Variants in FLOT2 observed in about 807,000 individuals in gnomAD.
FLOT2 encodes the protein flotillin-2.
A neutral mutation model predicts 54.9 loss-of-function variants in FLOT2; 35 were observed. That is an observed-to-expected ratio of 0.64 (90% confidence interval 0.49 to 0.84). FLOT2 has a LOEUF of 0.84. FLOT2 is among the 40% of genes least tolerant of loss of function. FLOT2 has a pLI of 0.00. For synonymous variants in FLOT2, 207 were observed against 228.9 expected, an observed-to-expected ratio of 0.90 and a Z score of 0.86; for missense variants, 464 against 572.1, an observed-to-expected ratio of 0.81 and a Z score of 1.93.
chr17:28,882,645 G>A lies in FLOT2; in HGVS notation c.393C>T (p.Ala131=), dbSNP rs957686908. Residue 131 remains alanine, a synonymous_variant, in exon 5 of 11, where the codon GCC becomes GCT. Coordinates refer to ENST00000394908, the MANE Select transcript of FLOT2 (RefSeq NM_004475.3). This position sits in a 1 kb window ranked among gnomAD's most constrained non-coding sequence, Gnocchi z 5.6. Reference sequence around the variant, plus strand: ...GGGCTGCCACCTCCCGCACCAGCTTGGCAAACTGGTCCCGGTCCTGATAAA... The same window carrying A: ...GGGCTGCCACCTCCCGCACCAGCTTAGCAAACTGGTCCCGGTCCTGATAAA... ...EQIYQDRDQF[A]KLVREVAAPD... is the part of the protein sequence containing the mutation. The A allele has an allele frequency of 1.2e-6, 2 of 1,613,752 alleles. No individual in the cohort carries two copies. The highest frequency in any genetic ancestry group is 2.7e-5 in the African/African-American group (2 of 75,026).
chr17:28,880,528 G>A lies in FLOT2; in HGVS notation c.*33C>T, dbSNP rs748683627. The A allele has an allele frequency of 4.4e-6, 7 of 1,608,568 alleles. No homozygotes were observed. The Admixed American group carries it at 1.2e-4, about 27-fold the overall frequency. ...AAACGGGTGCTGGAGGGAGGGCCGG[G>A]TGGCTGCTGAAGAGAGTGGGCCTGC... On this transcript the variant is annotated 3_prime_UTR_variant, in exon 11 of 11. Transcript: ENST00000394908.
intron 1 of FLOT2, among the ~76,000 whole-genome samples, chr17:28,892,267 T>C (rs1365239764): frequency 7.8e-6 from 1 of 127,994 alleles, no homozygotes; most frequent in East Asian, 2.2e-4. Flanking sequence ...GCTAGCCCCA[T>C]GGGACTTCTC....
chr17:28,896,824 G>A (rs2039749281), intron 1 of FLOT2, among the ~76,000 whole-genome samples: 1 of 152,156 alleles, frequency 6.6e-6, no homozygotes. Flanking sequence ...CTTGCAAGGT[G>A]TCAGCCGCTT....
intron 1 of FLOT2, among the ~76,000 whole-genome samples, chr17:28,896,455 C>T (rs528708116): frequency 6.6e-6 from 1 of 152,178 alleles, no homozygotes. Flanking sequence ...GTCCTCAAGG[C>T]TATTTCTGGT....
rs539387316 is a variant in FLOT2, at chr17:28,880,175, G to C, written c.*386C>G. 9.0e-6 allele frequency: 10 copies of C among 1,106,792 alleles called. No individual in the cohort carries two copies. In the African/African-American group the frequency reaches 1.7e-4, roughly 18 times the overall value. The allele number at this position is 1,106,792 out of a possible 1,614,324, so 68.6% of individuals were successfully genotyped here. On this transcript the variant is annotated 3_prime_UTR_variant, in exon 11 of 11. Coordinates refer to ENST00000394908, the MANE Select transcript of FLOT2 (RefSeq NM_004475.3). ...GCCAGGGCCATAGGGAGGATGGACA[G>C]ATGCACAGAGAACTTCAAGGCACCA...
In FLOT2 at chr17:28,880,772, G is replaced by T. The variant is rs187973207; in HGVS notation, c.1189C>A (p.Arg397=). ...DNSKVTSEVN[R]LLAELPASVH... Reference sequence around the variant, plus strand: ...GAGGCAGGCAGCTCGGCCAGCAGTCGGTTCACTTCTGATGTGACCTTACTG... The same window carrying T: ...GAGGCAGGCAGCTCGGCCAGCAGTCTGTTCACTTCTGATGTGACCTTACTG... The change falls in exon 10 of 11, where the codon CGA becomes AGA. Residue 397 remains arginine, a synonymous_variant. Transcript: ENST00000394908. 3.7e-6 allele frequency: 6 copies of T among 1,614,202 alleles called. No homozygotes were observed. Among genetic ancestry groups the T allele is most frequent in the Admixed American group, 1.7e-5 (1 of 60,032 alleles).
At chr17:28,889,297 A>G (rs1465184376) in intron 1 of FLOT2, among the ~76,000 whole-genome samples, 1 of 152,148 alleles carries the variant, frequency 6.6e-6, no homozygotes, top group Non-Finnish European at 1.5e-5. Flanking sequence ...GAAAAGAAGA[A>G]CAGAACAGGA....
In FLOT2 at chr17:28,881,347, C is replaced by A. The variant is rs768920322; in HGVS notation, c.943G>T (p.Glu315Ter). The change falls in exon 9 of 11, where the codon GAG becomes TAG. Residue 315 changes from glutamate (E) to a stop codon, truncating the protein, a stop_gained. Coordinates refer to ENST00000394908, the MANE Select transcript of FLOT2 (RefSeq NM_004475.3). LOFTEE classifies it high-confidence loss of function. ...KVKQVLLAQA[E>*]AEKIRKIGEA... ...CCGATTTTGCGGATCTTCTCAGCCTCTGCCTGTGCCAAGAGGACCTGCTTC... is the reference window on the plus strand; with the variant it reads ...CCGATTTTGCGGATCTTCTCAGCCTATGCCTGTGCCAAGAGGACCTGCTTC... The A allele has an allele frequency of 6.2e-7, 1 of 1,613,148 alleles. No individual in the cohort carries two copies. Among genetic ancestry groups the A allele is most frequent in the East Asian group, 2.2e-5 (1 of 44,890 alleles).
At chr17:28,886,058 CGGGGGGGGG>C in intron 2 of FLOT2, 1 of 472,744 alleles carries the variant, frequency 2.1e-6, no homozygotes, top group South Asian at 2.3e-5. Flanking sequence ...CGCCTGGGGG[CGGGGGGGGG>C]CATGCTGTCA....
Position 28,881,247 on chromosome 17 carries a change from TA to T in FLOT2, c.1042del (p.Tyr348ThrfsTer14). The T allele has an allele frequency of 2.5e-6, 4 of 1,614,226 alleles. No homozygotes were observed. Among genetic ancestry groups the T allele is most frequent in the Non-Finnish European group, 2.5e-6 (3 of 1,180,032 alleles). On this transcript the variant is annotated frameshift_variant, in exon 9 of 11. Coordinates refer to ENST00000394908, the MANE Select transcript of FLOT2 (RefSeq NM_004475.3). LOFTEE classifies it high-confidence loss of function. Reference sequence around the variant, plus strand: ...CTTGGCTGCATCCCCGTATTTCTGGTAGGCTTCTGCCTTGAGCTTCATCCGC... The same window carrying T: ...CTTGGCTGCATCCCCGTATTTCTGGTGGCTTCTGCCTTGAGCTTCATCCGC... Reference protein sequence around the residue: ...AERMKLKAEAYQKYGDAAKMA... With the variant: ...AERMKLKAEAXQKYGDAAKMA...
Position 28,882,569 on chromosome 17 carries a change from G to A in FLOT2, c.465+4C>T, listed in dbSNP as rs1406525463. On this transcript the variant is annotated splice_donor_region_variant and intron_variant, in intron 5 of 10. Transcript: ENST00000394908. The surrounding 1 kb of genome is among the most constrained non-coding windows in gnomAD (Gnocchi z 5.6). ...AGGAGATACAGCTTCCCATCACGTC[G>A]TACCTTGATGGTGAAGCTGAGGATC... 7.5e-6 allele frequency: 12 copies of A among 1,596,966 alleles called. No homozygotes were observed. Among genetic ancestry groups the A allele is most frequent in the South Asian group, 6.6e-5 (6 of 90,798 alleles).
intron 2 of FLOT2, among the ~76,000 whole-genome samples, chr17:28,887,436 G>C (rs1466112179): frequency 2.0e-5 from 3 of 152,212 alleles, no homozygotes; most frequent in African/African-American, 7.2e-5. Context: ...CAGCAAGTGA[G>C]ACCAGAGGGA....
intron 1 of FLOT2, among the ~76,000 whole-genome samples, chr17:28,892,162 C>T (rs755199649): frequency 9.2e-5 from 14 of 152,022 alleles, no homozygotes; most frequent in Non-Finnish European, 1.9e-4. Flanking sequence ...GAAACCCAAA[C>T]CATCTCAGGA....
intron 1 of FLOT2, among the ~76,000 whole-genome samples, chr17:28,895,628 G>C (rs959014435): frequency 6.6e-6 from 1 of 152,102 alleles, no homozygotes; most frequent in African/African-American, 2.4e-5. Context: ...ATACTATCAT[G>C]AATTGTTGCC....
Position 28,882,815 on chromosome 17 carries a change from G to C in FLOT2, c.347-124C>G, listed in dbSNP as rs1183198311. The C allele has an allele frequency of 1.4e-6, 1 of 717,518 alleles. No homozygotes were observed. The highest frequency in any genetic ancestry group is 1.8e-5 in the African/African-American group (1 of 56,812). 44.4% of individuals were successfully genotyped at this position (717,518 alleles called of 1,614,324 possible). A position where few individuals can be genotyped will look rare whatever the true frequency, so the allele number is the denominator to read the frequency against. On this transcript the variant is annotated intron_variant, in intron 4 of 10. Coordinates refer to ENST00000394908, the MANE Select transcript of FLOT2 (RefSeq NM_004475.3). The surrounding 1 kb of genome is among the most constrained non-coding windows in gnomAD (Gnocchi z 5.6). ...GCACTCTGAGCTGGGTCTTCCTGGG[G>C]TATCTTCTCAACAGCACTTAACACC...
At chr17:28,892,715 A>G (rs1170540641) in intron 1 of FLOT2, 2 of 151,018 alleles carry the variant, frequency 1.3e-5, no homozygotes, top group Admixed American at 6.6e-5. Flanking sequence ...CAGTGCCACA[A>G]TATCAGCTCA....
At chr17:28,887,685 GCA>G (rs2039573148) in intron 2 of FLOT2, among the ~76,000 whole-genome samples, 1 of 152,228 alleles carries the variant, frequency 6.6e-6, no homozygotes, top group Admixed American at 6.5e-5. Flanking sequence ...TGCTGGGAAT[GCA>G]CAGTGTGTGG....
At chr17:28,888,856 CTG>C (rs2039595447) in intron 2 of FLOT2, 87 bp downstream of exon 2, 1 of 728,166 alleles carries the variant, frequency 1.4e-6, no homozygotes, top group Admixed American at 2.3e-5. Context: ...GATGCTCTAG[CTG>C]ACCCTCAGAG....
intron 2 of FLOT2, among the ~76,000 whole-genome samples, chr17:28,885,129 T>C (rs1039687521): frequency 6.6e-6 from 1 of 152,114 alleles, no homozygotes; most frequent in African/African-American, 2.4e-5. Flanking sequence ...CTGCATCAAA[T>C]AGAGTATTGA....
Sources: allele counts gnomAD v4.1 joint callset (sites outside exome capture counted in the v4.1 genomes callset), GRCh38; gene constraint gnomAD v4.1.1; non-coding constraint Gnocchi (gnomAD v3.1); transcripts MANE v1.5; gene names NCBI Gene and HGNC (gene_info 2026-07-23, HGNC 2026-07-21).